The following EXPH5 variants were observed in gnomAD, a reference collection of about 807,000 sequenced individuals.
EXPH5 encodes exophilin 5, also known as exophilin-5.
Under a neutral mutation model 41.1 loss-of-function variants are expected in EXPH5, and 42 were observed. That is an observed-to-expected ratio of 1.02 (90% CI 0.80 to 1.32). The LOEUF is 1.32. EXPH5 is among the 40% of genes most tolerant of loss of function. EXPH5 has a pLI of 0.00. For missense variants in EXPH5, 2,298 were observed against 2,314.5 expected (o/e 0.99, Z 0.15); for synonymous variants, 798 against 833.5 (o/e 0.96, Z 0.73).
chr11:108,578,215 T>C (rs1591756631), intron 1 of EXPH5, among the ~76,000 whole-genome samples: 2 of 152,198 alleles, frequency 1.3e-5, no homozygotes, highest in South Asian at 2.1e-4. Context: ...TTTTTGTATA[T>C]GGTGAGAGAT....
chr11:108,528,022 T>G, intron 4 of EXPH5, 114 bp downstream of exon 4: 1 of 664,636 alleles, frequency 1.5e-6, no homozygotes, highest in Non-Finnish European at 2.6e-6. Context: ...AATCCAAGCT[T>G]CTAAAATAAA....
intron 1 of EXPH5, among the ~76,000 whole-genome samples, chr11:108,547,066 G>T (rs1444114911): frequency 1.3e-5 from 2 of 152,184 alleles, no homozygotes; most frequent in African/African-American, 2.4e-5. Flanking sequence ...CTCCCAAAAT[G>T]CTGGGATTAT....
At position 108,514,723 on chromosome 11, in the gene EXPH5, G is replaced by T; in HGVS notation, c.784C>A (p.His262Asn). Residue 262 changes from histidine (H) to asparagine (N), a missense_variant, in exon 6 of 6, where the codon CAC (histidine) becomes AAC (asparagine). Transcript: ENST00000265843. ...HGNITERHKK[H>N]YNETSNMSIY... is the part of the protein sequence containing the mutation. ...GACATATTGGAAGTTTCATTATAGTGTTTTTTGTGCCTTTCTGTGATATTA... is the reference window on the plus strand; with the variant it reads ...GACATATTGGAAGTTTCATTATAGTTTTTTTTGTGCCTTTCTGTGATATTA... 1.2e-6 allele frequency: 2 copies of T among 1,609,854 alleles called. No individual in the cohort carries two copies. The highest frequency in any genetic ancestry group is 1.7e-6 in the Non-Finnish European group (2 of 1,178,730).
rs1410357700 is a variant in EXPH5, at chr11:108,554,318, G to A, written c.120-12506C>T. On this transcript the variant is annotated intron_variant, in intron 1 of 5. Coordinates refer to ENST00000265843, the MANE Select transcript of EXPH5 (RefSeq NM_015065.3). ...GATCCTCCCGCCTCAGCCTCCCAAA[G>A]TGCTGGGATTACAGATGTGAGCCAC... Among the ~76,000 whole-genome samples the A allele has an allele frequency of 2.0e-5, 3 of 152,164 alleles. No homozygotes were observed. In the East Asian group the frequency reaches 5.8e-4, roughly 29 times the overall value.
At chr11:108,579,385 C>T (rs898476889) in intron 1 of EXPH5, among the ~76,000 whole-genome samples, 14 of 152,014 alleles carry the variant, frequency 9.2e-5, no homozygotes, top group South Asian at 2.1e-4. Flanking sequence ...AATGAATGAC[C>T]ATTTTAACGT....
At position 108,510,632 on chromosome 11, in the gene EXPH5, G is replaced by C. The variant is rs764565045; in HGVS notation, c.4875C>G (p.Ser1625Arg). The C allele has an allele frequency of 6.2e-6, 10 of 1,614,046 alleles. No homozygotes were observed. In the South Asian group the frequency reaches 9.9e-5, roughly 16 times the overall value. The change falls in exon 6 of 6, where the codon AGC becomes AGG. Residue 1625 changes from serine (S) to arginine (R), a missense_variant. Transcript: ENST00000265843. ...GAGATAAATGGTCAAAGCCAGATCT[G>C]CTTCCACTTTGGGGGAAGATAGTAG... ...HVATIFPQSGSRSGFDHLSLG... is the reference protein window; with the variant it reads ...HVATIFPQSGRRSGFDHLSLG...
At chr11:108,594,089 T>C (rs1436032748), upstream of EXPH5, among the ~76,000 whole-genome samples, 1 of 152,108 alleles carries the variant, frequency 6.6e-6, no homozygotes, top group African/African-American at 2.4e-5. Context: ...TAAGAGCCCA[T>C]AGAAAATAGA....
At position 108,538,951 on chromosome 11, in the gene EXPH5, G is replaced by T; in HGVS notation, c.443+73C>A. ...TCTAAGAACAAACATTAAACATTTT[G>T]AACACAAAACAGGCTGCTGGCCTCT... is the stretch of plus-strand genomic sequence containing the variant. On this transcript the variant is annotated intron_variant, in intron 3 of 5. Transcript: ENST00000265843. The T allele has an allele frequency of 3.9e-6, 5 of 1,288,856 alleles. No homozygotes were observed. In the South Asian group the frequency reaches 7.0e-5, roughly 18 times the overall value. The allele number at this position is 1,288,856 out of a possible 1,614,324, so 79.8% of individuals were successfully genotyped here. A position where few individuals can be genotyped will look rare whatever the true frequency, so the allele number is the denominator to read the frequency against.
chr11:108,541,967 T>A (rs1411298106), intron 1 of EXPH5, among the ~76,000 whole-genome samples, 155 bp from the exon 2 acceptor site: 1 of 152,102 alleles, frequency 6.6e-6, no homozygotes, highest in Non-Finnish European at 1.5e-5. Context: ...AACCTTCACC[T>A]CCTGGGCTCA....
At chr11:108,565,520 A>G (rs1265570219) in intron 1 of EXPH5, among the ~76,000 whole-genome samples, 1 of 152,186 alleles carries the variant, frequency 6.6e-6, no homozygotes, top group Non-Finnish European at 1.5e-5. Context: ...AGAGAGGAAT[A>G]ATGTGGCCGA....
chr11:108,573,200 A>AAAG (rs1565830823), intron 1 of EXPH5, among the ~76,000 whole-genome samples: 41 of 105,434 alleles, frequency 3.9e-4, no homozygotes, highest in African/African-American at 1.1e-3. Context: ...AAGAAAGAAA[A>AAAG]AGAAAGAAAG....
intron 1 of EXPH5, among the ~76,000 whole-genome samples, chr11:108,586,954 G>A (rs1180744022): frequency 6.6e-6 from 1 of 152,050 alleles, no homozygotes; most frequent in Non-Finnish European, 1.5e-5. Flanking sequence ...CTCACAGCTT[G>A]GGGAATAACT....
At chr11:108,536,561 G>A (rs2093881370) in intron 3 of EXPH5, among the ~76,000 whole-genome samples, 1 of 152,160 alleles carries the variant, frequency 6.6e-6, no homozygotes, top group Non-Finnish European at 1.5e-5. Flanking sequence ...CGTCATGACT[G>A]GCCTTTCTTT....
At chr11:108,516,007 G>A (rs941634096) in intron 5 of EXPH5, among the ~76,000 whole-genome samples, 1 of 148,000 alleles carries the variant, frequency 6.8e-6, no homozygotes, top group Non-Finnish European at 1.5e-5. Flanking sequence ...GGGAGGCAGA[G>A]CTTGCAGTGA....
chr11:108,538,028 T>C (rs1489892334), intron 3 of EXPH5: 3 of 985,318 alleles, frequency 3.0e-6, no homozygotes, highest in Non-Finnish European at 3.6e-6. Context: ...TACATTGTGG[T>C]CTGCTCTTTC....
At chr11:108,555,956 G>T (rs968110882) in intron 1 of EXPH5, among the ~76,000 whole-genome samples, 1 of 152,132 alleles carries the variant, frequency 6.6e-6, no homozygotes, top group African/African-American at 2.4e-5. Context: ...GCCCCTATCT[G>T]TCTCCCTGCT....
At chr11:108,568,182 G>GGGA (rs1555198221) in intron 1 of EXPH5, 1 of 149,664 alleles carries the variant, frequency 6.7e-6, no homozygotes, top group African/African-American at 2.5e-5. Context: ...TTTTGGGAGG[G>GGGA]GGGGAGGGCG....
chr11:108,585,142 A>T (rs2094109619), intron 1 of EXPH5, among the ~76,000 whole-genome samples: 1 of 152,266 alleles, frequency 6.6e-6, no homozygotes, highest in South Asian at 2.1e-4. Flanking sequence ...AAGTAAGCAC[A>T]TAAAAAGATG....
Position 108,588,008 on chromosome 11 carries a change from C to T in EXPH5, c.119+5410G>A, listed in dbSNP as rs149778301. The stretch of plus-strand genomic sequence containing the variant: ...CCTCAGGCAATCCACCCATCTCAGC[C>T]TCCCAAAGTGCTGGGATTACAGGCG... On this transcript the variant is annotated intron_variant, in intron 1 of 5. Transcript: ENST00000265843. 6.8e-3 allele frequency among the ~76,000 whole-genome samples: 1,040 copies of T among 152,286 alleles called. 14 individuals carry two copies. Among genetic ancestry groups the T allele is most frequent in the African/African-American group, 0.023 (972 of 41,552 alleles).
Sources: gnomAD v4.1 joint callset for allele counts (sites outside exome capture counted in the v4.1 genomes callset) on GRCh38, gnomAD v4.1.1 for gene constraint, MANE v1.5 for transcripts, NCBI Gene and HGNC (gene_info 2026-07-23, HGNC 2026-07-21) for gene names.